PDCD1LG2: variants seen among roughly 807,000 people sequenced by gnomAD.
PDCD1LG2 encodes B7 dendritic cell molecule.
A neutral mutation model predicts 28.2 loss-of-function variants in PDCD1LG2; 32 were observed. The observed-to-expected ratio is 1.13, with a 90% CI of 0.86 to 1.52. PDCD1LG2 has a LOEUF of 1.52. Among genes scored for constraint, PDCD1LG2 ranks in the 40% most tolerant of loss-of-function variants. The pLI, the probability that PDCD1LG2 is intolerant of heterozygous loss-of-function variation, is 0.00. For missense variants in PDCD1LG2, 385 were observed against 323.8 expected, an observed-to-expected ratio of 1.19 and a Z score of -1.45; for synonymous variants, 116 against 120.2, an observed-to-expected ratio of 0.97 and a Z score of 0.23.
At chr9:5,543,538 C>CAA (rs139524609) in intron 3 of PDCD1LG2, among the ~76,000 whole-genome samples, 1,821 of 72,608 alleles carry the variant, frequency 0.025, 38 homozygotes, top group East Asian at 0.059. Flanking sequence ...GACTCCGTCT[C>CAA]AAAAAAAAAA....
chr9:5,511,865 C>A (rs1261037956), intron 1 of PDCD1LG2, among the ~76,000 whole-genome samples: 2 of 152,302 alleles, frequency 1.3e-5, no homozygotes, highest in East Asian at 3.9e-4. Context: ...TGGAGCTCCT[C>A]ACAGGCAAGA....
Position 5,570,751 on chromosome 9 carries a change from C to T in PDCD1LG2, c.*792C>T, listed in dbSNP as rs561489409. 6 of 230,860 alleles carry T rather than the reference C, an allele frequency of 2.6e-5. No individual in the cohort carries two copies. Among genetic ancestry groups the T allele is most frequent in the South Asian group, 1.8e-4 (1 of 5,512 alleles). The allele number at this position is 230,860 out of a possible 1,614,324, so 14.3% of individuals were successfully genotyped here. A position where few individuals can be genotyped will look rare whatever the true frequency, so the allele number is the denominator to read the frequency against. On this transcript the variant is annotated 3_prime_UTR_variant, in exon 7 of 7. Coordinates refer to ENST00000397747, the MANE Select transcript of PDCD1LG2 (RefSeq NM_025239.4). The stretch of plus-strand genomic sequence containing the variant: ...GTCAAAAATATTTGATATGCTCATA[C>T]GTTGTATCTGCAGCAATTTCAGATA...
At chr9:5,525,358 A>G (rs1168233682) in intron 2 of PDCD1LG2, among the ~76,000 whole-genome samples, 8 of 145,444 alleles carry the variant, frequency 5.5e-5, no homozygotes, top group South Asian at 2.2e-4. Context: ...AAAAAAAAAA[A>G]GAAAAAAAAA....
intron 2 of PDCD1LG2, among the ~76,000 whole-genome samples, chr9:5,533,468 T>C (rs1820521772): frequency 6.6e-6 from 1 of 152,134 alleles, no homozygotes; most frequent in African/African-American, 2.4e-5. Flanking sequence ...GCAGTGAAAA[T>C]AAAGCAGTGT....
chr9:5,525,996 A>G (rs541958866), intron 2 of PDCD1LG2, among the ~76,000 whole-genome samples: 86 of 151,494 alleles, frequency 5.7e-4, no homozygotes, highest in Middle Eastern at 6.9e-3. Flanking sequence ...GCGGTGAGCC[A>G]AGATCACGCC....
At chr9:5,554,248 G>A (rs1456985040) in intron 4 of PDCD1LG2, among the ~76,000 whole-genome samples, 4 of 152,220 alleles carry the variant, frequency 2.6e-5, no homozygotes, top group Non-Finnish European at 5.9e-5. Context: ...TGGGTTGATT[G>A]GGTTGGAGAT....
chr9:5,526,059 A>G (rs1311308413), intron 2 of PDCD1LG2, among the ~76,000 whole-genome samples: 1 of 151,742 alleles, frequency 6.6e-6, no homozygotes, highest in Non-Finnish European at 1.5e-5. Context: ...AAAAAAAAAA[A>G]AAAAGTAAGG....
At chr9:5,546,579 G>C (rs1243800788) in intron 3 of PDCD1LG2, among the ~76,000 whole-genome samples, 1 of 152,156 alleles carries the variant, frequency 6.6e-6, no homozygotes, top group Non-Finnish European at 1.5e-5. Context: ...TGTCTGAATT[G>C]CCTTATCTTC....
intron 3 of PDCD1LG2, among the ~76,000 whole-genome samples, chr9:5,543,151 G>A (rs1390243620): frequency 1.3e-5 from 2 of 152,146 alleles, no homozygotes; most frequent in Non-Finnish European, 2.9e-5. Flanking sequence ...TCACTCATAA[G>A]TGCGAGCTAA....
chr9:5,547,953 A>G (rs1816246912), intron 3 of PDCD1LG2, among the ~76,000 whole-genome samples: 1 of 151,808 alleles, frequency 6.6e-6, no homozygotes, highest in Non-Finnish European at 1.5e-5. Flanking sequence ...AAAAAAAAAA[A>G]AAAAGAATAA....
At chr9:5,538,666 C>A (rs1035761420) in intron 3 of PDCD1LG2, among the ~76,000 whole-genome samples, 13 of 146,290 alleles carry the variant, frequency 8.9e-5, no homozygotes, top group African/African-American at 2.8e-4. Flanking sequence ...CCAGCCTGGG[C>A]GACAGAGCGA....
At chr9:5,550,568 TC>T (rs1322960034) in intron 4 of PDCD1LG2, among the ~76,000 whole-genome samples, 1 of 152,156 alleles carries the variant, frequency 6.6e-6, no homozygotes, top group Non-Finnish European at 1.5e-5. Flanking sequence ...AAGGGAAGAT[TC>T]CACTTTCCTG....
chr9:5,514,533 G>C (rs1398414287), intron 1 of PDCD1LG2, among the ~76,000 whole-genome samples: 1 of 152,104 alleles, frequency 6.6e-6, no homozygotes, highest in Admixed American at 6.5e-5. Flanking sequence ...TCTCTGGAAA[G>C]ATACAACTTC....
intron 2 of PDCD1LG2, among the ~76,000 whole-genome samples, chr9:5,531,942 C>T (rs1055235896): frequency 6.6e-6 from 1 of 152,116 alleles, no homozygotes; most frequent in Non-Finnish European, 1.5e-5. Flanking sequence ...TCTTCAAGGA[C>T]AGATTGGATT....
chr9:5,545,939 C>T (rs1816197139), intron 3 of PDCD1LG2, among the ~76,000 whole-genome samples: 1 of 152,188 alleles, frequency 6.6e-6, no homozygotes, highest in African/African-American at 2.4e-5. Context: ...ACTTCCGCCT[C>T]TTAAATTCTA....
At chr9:5,538,526 A>C (rs767098277) in intron 3 of PDCD1LG2, among the ~76,000 whole-genome samples, 46 of 151,086 alleles carry the variant, frequency 3.0e-4, no homozygotes, top group Non-Finnish European at 4.3e-4. Context: ...TCTACTAAAA[A>C]ATACAACAAA....
At chr9:5,522,972 A>G (rs1010861118) in intron 2 of PDCD1LG2, among the ~76,000 whole-genome samples, 1 of 152,162 alleles carries the variant, frequency 6.6e-6, no homozygotes, top group Non-Finnish European at 1.5e-5. Flanking sequence ...CAGGGAGAGT[A>G]AGGAGACAAT....
chr9:5,530,487 A>AAC (rs1554644573), intron 2 of PDCD1LG2, among the ~76,000 whole-genome samples: 10 of 151,866 alleles, frequency 6.6e-5, no homozygotes, highest in African/African-American at 1.9e-4. Flanking sequence ...AAAAAAAAAA[A>AAC]AACTCACTCA....
chr9:5,518,249 C>T (rs1268418736), intron 1 of PDCD1LG2, among the ~76,000 whole-genome samples: 1 of 152,214 alleles, frequency 6.6e-6, no homozygotes, highest in South Asian at 2.1e-4. Context: ...TTGCATAAAC[C>T]ATATTTTCCC....
Sources: gnomAD v4.1 joint callset for allele counts (sites outside exome capture counted in the v4.1 genomes callset) on GRCh38, gnomAD v4.1.1 for gene constraint, MANE v1.5 for transcripts, NCBI Gene and HGNC (gene_info 2026-07-23, HGNC 2026-07-21) for gene names.